The following GLIS3 variants were observed in gnomAD, a reference collection of about 807,000 sequenced individuals.
GLIS3 encodes the protein zinc finger protein GLIS3.
A neutral mutation model predicts 78.6 loss-of-function variants in GLIS3; 53 were observed. The observed-to-expected ratio is 0.67, with a 90% CI of 0.54 to 0.85. The LOEUF is 0.85. Ranked by LOEUF, GLIS3 falls within the 40% of genes least tolerant of loss-of-function variation. The pLI is 0.00. For missense variants in GLIS3, 1,703 were observed against 1,231.1 expected, an observed-to-expected ratio of 1.38 and a Z score of -5.74; for synonymous variants, 684 against 509.9, an observed-to-expected ratio of 1.34 and a Z score of -4.60.
intron 9 of GLIS3, among the ~76,000 whole-genome samples, chr9:3,842,546 T>C (rs1818787827): frequency 6.6e-6 from 1 of 152,180 alleles, no homozygotes; most frequent in South Asian, 2.1e-4. Flanking sequence ...GGCAAATTGC[T>C]TCCTTTGGGT....
At chr9:3,844,041 A>G (rs902804327) in intron 9 of GLIS3, among the ~76,000 whole-genome samples, 2 of 152,240 alleles carry the variant, frequency 1.3e-5, no homozygotes, top group Admixed American at 6.5e-5. Context: ...TGTAATCAGA[A>G]AGAGCACTCA....
At chr9:4,411,554 A>T in the GLIS3 span, among the ~76,000 whole-genome samples, 1 of 152,226 alleles carries the variant, frequency 6.6e-6, no homozygotes, top group Non-Finnish European at 1.5e-5. Context: ...AATTTTGGAG[A>T]TAGTGACATC....
chr9:4,475,428 T>G, the GLIS3 span, among the ~76,000 whole-genome samples: 1 of 152,196 alleles, frequency 6.6e-6, no homozygotes, highest in Non-Finnish European at 1.5e-5. Flanking sequence ...CAGAGCATTC[T>G]TGAGTGAGGT....
chr9:3,868,559 A>G (rs1452004875), intron 8 of GLIS3, among the ~76,000 whole-genome samples: 2 of 152,248 alleles, frequency 1.3e-5, no homozygotes, highest in African/African-American at 4.8e-5. Context: ...ATTTGAGAAC[A>G]AGATGAACCA....
chr9:4,024,605 A>G (rs1018617032), intron 4 of GLIS3, among the ~76,000 whole-genome samples: 1 of 152,184 alleles, frequency 6.6e-6, no homozygotes, highest in African/African-American at 2.4e-5. Flanking sequence ...TATGATAGAT[A>G]GGTTGCCTCG....
At chr9:3,969,736 T>A (rs1407672764) in intron 4 of GLIS3, among the ~76,000 whole-genome samples, 1 of 152,180 alleles carries the variant, frequency 6.6e-6, no homozygotes, top group Non-Finnish European at 1.5e-5. Flanking sequence ...GGTCCCTTGT[T>A]TCTGAGTTCC....
chr9:4,201,892 T>C (rs1238310232), intron 2 of GLIS3, among the ~76,000 whole-genome samples: 1 of 152,114 alleles, frequency 6.6e-6, no homozygotes, highest in African/African-American at 2.4e-5. Flanking sequence ...TTCCAGGAGT[T>C]TGAGAGGCCG....
chr9:3,975,655 C>T (rs1384824287), intron 4 of GLIS3, among the ~76,000 whole-genome samples: 2 of 150,994 alleles, frequency 1.3e-5, no homozygotes, highest in Non-Finnish European at 2.9e-5. Flanking sequence ...AAACCAGTAA[C>T]ATGCCTTAAG....
intron 2 of GLIS3, among the ~76,000 whole-genome samples, chr9:4,189,689 G>A (rs1326909798): frequency 6.6e-6 from 1 of 152,138 alleles, no homozygotes; most frequent in African/African-American, 2.4e-5. Flanking sequence ...TGTACTGGGT[G>A]CATATATATT....
chr9:4,390,331 C>T, the GLIS3 span, among the ~76,000 whole-genome samples: 3 of 152,080 alleles, frequency 2.0e-5, no homozygotes, highest in Admixed American at 2.0e-4. Flanking sequence ...GCAGTCTAAA[C>T]CCAGATATTG....
chr9:3,964,541 T>C (rs1038812997), intron 4 of GLIS3, among the ~76,000 whole-genome samples: 13 of 152,234 alleles, frequency 8.5e-5, no homozygotes, highest in African/African-American at 2.9e-4. Flanking sequence ...AAATCTGATG[T>C]TCTGAAGATG....
chr9:4,365,674 C>A, the GLIS3 span, among the ~76,000 whole-genome samples: 1 of 152,212 alleles, frequency 6.6e-6, no homozygotes, highest in Admixed American at 6.5e-5. Context: ...ACTCAGAAAA[C>A]GTCATCTGAA....
chr9:4,114,851 G>C (rs1831513549), intron 4 of GLIS3, among the ~76,000 whole-genome samples: 1 of 151,764 alleles, frequency 6.6e-6, no homozygotes, highest in Non-Finnish European at 1.5e-5. Flanking sequence ...CGGGGTAAAA[G>C]GAAAAGAACC....
At chr9:4,232,118 C>T (rs1485616911) in intron 2 of GLIS3, among the ~76,000 whole-genome samples, 1 of 152,156 alleles carries the variant, frequency 6.6e-6, no homozygotes, top group Non-Finnish European at 1.5e-5. Context: ...AGACGCACAC[C>T]TGTAATGCCA....
At chr9:4,008,079 A>C (rs553546994) in intron 4 of GLIS3, among the ~76,000 whole-genome samples, 2 of 152,130 alleles carry the variant, frequency 1.3e-5, no homozygotes, top group Non-Finnish European at 2.9e-5. Flanking sequence ...CTTAGATTCT[A>C]TCTAAACTTA....
At position 4,174,263 on chromosome 9, in the gene GLIS3, G is replaced by A. The variant is rs1816633180; in HGVS notation, c.389-48322C>T. ...GTCCTTGTTATCAGCAAAGTAAACAGGTTTCATGTATTATACCTACTTAAA... is the reference window on the plus strand; with the variant it reads ...GTCCTTGTTATCAGCAAAGTAAACAAGTTTCATGTATTATACCTACTTAAA... On this transcript the variant is annotated intron_variant, in intron 2 of 10. Coordinates refer to ENST00000381971, the MANE Select transcript of GLIS3 (RefSeq NM_001042413.2). Among the ~76,000 whole-genome samples, 4 of 152,058 alleles carry A rather than the reference G, an allele frequency of 2.6e-5. No individual in the cohort carries two copies. The South Asian group carries it at 8.3e-4, about 32-fold the overall frequency.
At chr9:4,382,294 A>G in the GLIS3 span, among the ~76,000 whole-genome samples, 202 of 152,346 alleles carry the variant, frequency 1.3e-3, 1 homozygote, top group Non-Finnish European at 2.3e-3. Context: ...TTCCAGAAGA[A>G]TCCTGAATGA....
chr9:4,232,078 T>A (rs1396397424), intron 2 of GLIS3, among the ~76,000 whole-genome samples: 1 of 152,134 alleles, frequency 6.6e-6, no homozygotes, highest in East Asian at 1.9e-4. Flanking sequence ...AAAATATTTT[T>A]AAAAATGAAA....
At chr9:4,298,268 C>T in intron 1 of GLIS3, 1 of 381,594 alleles carries the variant, frequency 2.6e-6, no homozygotes, top group Non-Finnish European at 5.2e-6. Context: ...CCCGCCGAGC[C>T]AGTGTCCTCA....
Sources: allele counts gnomAD v4.1 joint callset (sites outside exome capture counted in the v4.1 genomes callset), GRCh38; gene constraint gnomAD v4.1.1; transcripts MANE v1.5; gene names NCBI Gene and HGNC (gene_info 2026-07-23, HGNC 2026-07-21).